Variants in FRK observed in about 807,000 individuals in gnomAD.
FRK encodes the protein fyn related Src family tyrosine kinase, also known as tyrosine-protein kinase FRK.
Under a neutral mutation model 56.4 loss-of-function variants are expected in FRK, and 51 were observed. The ratio of observed to expected loss-of-function variants is 0.90; its 90% CI spans 0.72 to 1.14. The LOEUF is 1.14. FRK is among the 50% of genes most tolerant of loss of function. The probability of loss-of-function intolerance (pLI) is 0.00; values close to 1 mark genes in which losing one functional copy is unlikely to be tolerated. For missense variants in FRK, 570 were observed against 601.4 expected (o/e 0.95, Z 0.55); for synonymous variants, 245 against 217.9 (o/e 1.12, Z -1.10).
Position 115,937,589 on chromosome 6 carries a change from CAA to C in FRK, c.*4823_*4824del, listed in dbSNP as rs1772074442. On this transcript the variant is annotated 3_prime_UTR_variant, in exon 8 of 8. Transcript: ENST00000606080. The stretch of plus-strand genomic sequence containing the variant: ...GTATTCAGGAGACCCATCTCACATG[CAA>C]AGAGACACACAGGCTCAAGATAAAG... The C allele has an allele frequency of 6.6e-6, 1 of 151,770 alleles. No homozygotes were observed. Among genetic ancestry groups the C allele is most frequent in the South Asian group, 2.1e-4 (1 of 4,796 alleles). 9.4% of individuals were successfully genotyped at this position (151,770 alleles called of 1,614,324 possible).
chr6:115,944,437 G>GAGAA lies in FRK; in HGVS notation c.959-16_959-13dup. On this transcript the variant is annotated splice_polypyrimidine_tract_variant and intron_variant, in intron 5 of 7. Coordinates refer to ENST00000606080, the MANE Select transcript of FRK (RefSeq NM_002031.3). Reference sequence around the variant, plus strand: ...TGATCCAGTGTCATCTAAGTAATAAGAGAAAAGTAAGAAAGTTACCTTAGA... The same window carrying GAGAA: ...TGATCCAGTGTCATCTAAGTAATAAGAGAAAGAAAAGTAAGAAAGTTACCTTAGA... The GAGAA allele has an allele frequency of 6.3e-7, 1 of 1,581,032 alleles. No homozygotes were observed. Among genetic ancestry groups the GAGAA allele is most frequent in the East Asian group, 2.2e-5 (1 of 44,618 alleles).
chr6:116,005,458 C>T (rs1249045987), intron 1 of FRK, among the ~76,000 whole-genome samples: 1 of 152,126 alleles, frequency 6.6e-6, no homozygotes, highest in African/African-American at 2.4e-5. Context: ...TTTAAAGATT[C>T]TACTCAGGAA....
intron 1 of FRK, among the ~76,000 whole-genome samples, chr6:116,013,059 G>A (rs186727292): frequency 1.9e-4 from 29 of 152,242 alleles, no homozygotes; most frequent in Non-Finnish European, 3.7e-4. Context: ...TGGGTCATTT[G>A]ATAAAGCTTT....
At chr6:115,963,076 A>C (rs1773445732) in intron 4 of FRK, among the ~76,000 whole-genome samples, 3 of 60,080 alleles carry the variant, frequency 5.0e-5, no homozygotes, top group Non-Finnish European at 6.7e-5. Context: ...TAGAGACACA[A>C]AAAAACCTTC....
chr6:115,962,010 ACAT>A (rs1773388757), intron 4 of FRK, among the ~76,000 whole-genome samples: 1 of 115,874 alleles, frequency 8.6e-6, no homozygotes, highest in African/African-American at 3.6e-5. Flanking sequence ...TCACCAGCTA[ACAT>A]CATAATGACA....
chr6:115,988,664 T>G (rs1466316693), intron 2 of FRK, among the ~76,000 whole-genome samples: 3 of 151,730 alleles, frequency 2.0e-5, no homozygotes, highest in Non-Finnish European at 2.9e-5. Flanking sequence ...AAATTAAGAG[T>G]ATGGAGGGAA....
chr6:115,942,929 C>T (rs1772250159), intron 7 of FRK, 91 bp downstream of exon 7: 3 of 1,279,876 alleles, frequency 2.3e-6, no homozygotes, highest in East Asian at 4.7e-5. Flanking sequence ...AGCCTCATAA[C>T]TCTGCCCTCT....
chr6:116,078,037 G>A, the FRK span, among the ~76,000 whole-genome samples: 3 of 152,178 alleles, frequency 2.0e-5, no homozygotes, highest in African/African-American at 7.2e-5. Context: ...GCAGGTGGCT[G>A]TAATCCCAGC....
At chr6:115,967,474 A>T in intron 4 of FRK, 77 bp downstream of exon 4, 1 of 1,422,502 alleles carries the variant, frequency 7.0e-7, no homozygotes, top group Non-Finnish European at 9.8e-7. Context: ...CCACCCTATG[A>T]CCTCTTAGAT....
Position 115,942,597 on chromosome 6 carries a change from C to T in FRK, c.1335G>A (p.Met445Ile). Reference sequence around the variant, plus strand: ...GCGGAAGTCTATAGTTTTGAGCCAACATCTGGATTACCTGGGCACCTGTCA... The same window carrying T: ...GCGGAAGTCTATAGTTTTGAGCCAATATCTGGATTACCTGGGCACCTGTCA... ...SGMTGAQVIQ[M>I]LAQNYRLPQP... Residue 445 changes from methionine to isoleucine, a missense_variant, in exon 8 of 8, where the codon ATG becomes ATA. Met to Ile is a conservative substitution (Grantham distance 10, BLOSUM62 1). Coordinates refer to ENST00000606080, the MANE Select transcript of FRK (RefSeq NM_002031.3). 2.5e-6 allele frequency: 4 copies of T among 1,613,640 alleles called. No individual in the cohort carries two copies. The highest frequency in any genetic ancestry group is 3.4e-6 in the Non-Finnish European group (4 of 1,179,692).
At chr6:116,023,478 A>T (rs1236800700) in intron 1 of FRK, among the ~76,000 whole-genome samples, 1 of 152,222 alleles carries the variant, frequency 6.6e-6, no homozygotes, top group Admixed American at 6.5e-5. Context: ...TGATACATAC[A>T]ACAATATGAT....
At chr6:116,073,961 C>T in the FRK span, among the ~76,000 whole-genome samples, 1 of 152,166 alleles carries the variant, frequency 6.6e-6, no homozygotes, top group Non-Finnish European at 1.5e-5. Flanking sequence ...TTATCCTGTC[C>T]TCTGCCCACC....
chr6:115,976,106 T>C (rs768891916), intron 2 of FRK, among the ~76,000 whole-genome samples: 3 of 152,120 alleles, frequency 2.0e-5, no homozygotes, highest in Non-Finnish European at 2.9e-5. Context: ...TTATGTAATA[T>C]ATAGTTGGTG....
At chr6:116,000,073 A>T (rs1489987446) in intron 2 of FRK, among the ~76,000 whole-genome samples, 1 of 152,040 alleles carries the variant, frequency 6.6e-6, no homozygotes, top group Non-Finnish European at 1.5e-5. Flanking sequence ...TATCCTTGTA[A>T]TTTTTTTCTA....
At chr6:116,072,998 T>A in the FRK span, among the ~76,000 whole-genome samples, 7 of 152,278 alleles carry the variant, frequency 4.6e-5, no homozygotes, top group South Asian at 1.2e-3. Flanking sequence ...ATTTTAAAAA[T>A]TTTTTATGTG....
At chr6:115,975,681 A>T (rs1029239030) in intron 2 of FRK, among the ~76,000 whole-genome samples, 6 of 152,300 alleles carry the variant, frequency 3.9e-5, no homozygotes, top group African/African-American at 1.4e-4. Flanking sequence ...TAAGTATTTT[A>T]GTAGTTCAGC....
rs34026302 is a variant in FRK, at chr6:115,953,180, A to ACTTTTTTTTTTTTTTTTTTT, written c.958+3271_958+3272insAAAAAAAAAAAAAAAAAAAG. Among the ~76,000 whole-genome samples the ACTTTTTTTTTTTTTTTTTTT allele has an allele frequency of 6.7e-5, 7 of 104,032 alleles. 3 individuals are homozygous for ACTTTTTTTTTTTTTTTTTTT. The highest frequency in any genetic ancestry group is 1.8e-5 in the Non-Finnish European group (1 of 54,686). 68.2% of individuals were successfully genotyped at this position (104,032 alleles called of 152,430 possible). ...AGAGTGGTACATCCATTTTAAGGCC[A>ACTTTTTTTTTTTTTTTTTTT]TTTTTTTTTTTTTTTTTTTTTTTTT... On this transcript the variant is annotated intron_variant, in intron 5 of 7. Coordinates refer to ENST00000606080, the MANE Select transcript of FRK (RefSeq NM_002031.3).
chr6:116,066,864 C>T, the FRK span, among the ~76,000 whole-genome samples: 2 of 152,176 alleles, frequency 1.3e-5, no homozygotes. Context: ...AAGGTTACCC[C>T]TAACCACTCT....
intron 2 of FRK, among the ~76,000 whole-genome samples, chr6:115,969,971 T>C (rs1272387957): frequency 6.6e-6 from 1 of 152,216 alleles, no homozygotes; most frequent in Non-Finnish European, 1.5e-5. Flanking sequence ...TGATAAGTAT[T>C]GGGCAGCATT....
Sources: gnomAD v4.1 joint callset for allele counts (sites outside exome capture counted in the v4.1 genomes callset) on GRCh38, gnomAD v4.1.1 for gene constraint, MANE v1.5 for transcripts, NCBI Gene and HGNC (gene_info 2026-07-23, HGNC 2026-07-21) for gene names.